Variants in TLK2 observed in about 807,000 individuals in gnomAD.
TLK2 encodes tousled like kinase 2.
In TLK2, 6 loss-of-function variants were observed where a neutral mutation model predicts 117.3. That is an observed-to-expected ratio of 0.05 (90% CI 0.03 to 0.10). The LOEUF is 0.10. Among genes scored for constraint, TLK2 ranks in the 10% least tolerant of loss-of-function variants. The pLI, the probability that TLK2 is intolerant of heterozygous loss-of-function variation, is 1.00. For missense variants in TLK2, 299 were observed against 901.2 expected (o/e 0.33, Z 8.56); for synonymous variants, 257 against 316.7 (o/e 0.81, Z 2.00).
At chr17:62,537,769 G>A (rs2077212745) in intron 7 of TLK2, among the ~76,000 whole-genome samples, 1 of 152,172 alleles carries the variant, frequency 6.6e-6, no homozygotes, top group Non-Finnish European at 1.5e-5. Context: ...TGTTAGAAGT[G>A]TTTTGATCTT....
At chr17:62,510,723 C>T (rs2075080128) in intron 2 of TLK2, among the ~76,000 whole-genome samples, 1 of 152,130 alleles carries the variant, frequency 6.6e-6, no homozygotes, top group Non-Finnish European at 1.5e-5. Context: ...GTCCTGATCT[C>T]CTCTCATAAG....
intron 19 of TLK2, among the ~76,000 whole-genome samples, chr17:62,602,530 A>AT (rs924681693): frequency 1.3e-5 from 2 of 152,160 alleles, no homozygotes; most frequent in African/African-American, 4.8e-5. Context: ...TTCCGTCCAA[A>AT]TACAGGTCTC....
intron 2 of TLK2, among the ~76,000 whole-genome samples, chr17:62,503,898 T>C (rs2145064550): frequency 6.6e-6 from 1 of 151,948 alleles, no homozygotes; most frequent in East Asian, 1.9e-4. Flanking sequence ...CAGCTAATTT[T>C]TTTTTTTGTA....
At chr17:62,522,101 G>T (rs2076085702) in intron 3 of TLK2, 103 bp from the exon 4 acceptor site, 1 of 1,240,306 alleles carries the variant, frequency 8.1e-7, no homozygotes. Context: ...GTCTGGGCCA[G>T]TTATATCTGT....
intron 15 of TLK2, among the ~76,000 whole-genome samples, chr17:62,581,128 T>C (rs952637969): frequency 6.6e-6 from 1 of 152,152 alleles, no homozygotes; most frequent in African/African-American, 2.4e-5. Context: ...GCCTCCTGCC[T>C]CAACCTCTTG....
chr17:62,532,095 T>G (rs1322101094), intron 6 of TLK2, among the ~76,000 whole-genome samples: 1 of 152,210 alleles, frequency 6.6e-6, no homozygotes, highest in Non-Finnish European at 1.5e-5. Flanking sequence ...TTTACCTGTC[T>G]TATGTTCCTA....
intron 2 of TLK2, chr17:62,516,358 C>A: frequency 1.3e-6 from 2 of 1,536,282 alleles, no homozygotes. Flanking sequence ...ACCAAATCCG[C>A]CTCTAAACTA....
intron 7 of TLK2, among the ~76,000 whole-genome samples, chr17:62,548,191 C>T (rs1335586652): frequency 6.8e-6 from 1 of 146,958 alleles, no homozygotes; most frequent in African/African-American, 2.5e-5. Context: ...CTGCCTACTT[C>T]CTCAGTTTAC....
intron 2 of TLK2, chr17:62,516,578 A>G: frequency 6.2e-7 from 1 of 1,609,928 alleles, no homozygotes; most frequent in Admixed American, 1.7e-5. Flanking sequence ...AAATGTCTCC[A>G]GGCAAAGTGT....
intron 6 of TLK2, among the ~76,000 whole-genome samples, chr17:62,534,671 AAAATCTTT>A (rs2076985326): frequency 6.6e-6 from 1 of 151,998 alleles, no homozygotes; most frequent in Non-Finnish European, 1.5e-5. Context: ...AATGACACTA[AAAATCTTT>A]AATTTCTAAT....
chr17:62,581,052 GC>G (rs1325782624), intron 15 of TLK2, among the ~76,000 whole-genome samples: 2 of 151,812 alleles, frequency 1.3e-5, no homozygotes, highest in African/African-American at 4.8e-5. Flanking sequence ...TTGCTCTATT[GC>G]CCAGGCTGGA....
chr17:62,483,919 G>A lies in TLK2; in HGVS notation c.81+2713G>A, dbSNP rs534895765. The stretch of plus-strand genomic sequence containing the variant: ...CGGCGCACTGCAATCTCTGCCTCCC[G>A]GGTTCAAGCTATTCTCCTGCCTCAG... On this transcript the variant is annotated intron_variant, in intron 2 of 21. Coordinates refer to ENST00000346027, the MANE Select transcript of TLK2 (RefSeq NM_006852.6). 1.2e-4 allele frequency among the ~76,000 whole-genome samples: 18 copies of A among 151,696 alleles called. No individual in the cohort carries two copies. In the South Asian group the frequency reaches 3.4e-3, roughly 28 times the overall value.
chr17:62,599,088 G>T (rs1053463894), intron 17 of TLK2, among the ~76,000 whole-genome samples: 1 of 152,088 alleles, frequency 6.6e-6, no homozygotes, highest in Non-Finnish European at 1.5e-5. Flanking sequence ...TGGGATTACA[G>T]GCATGCGCCA....
intron 2 of TLK2, among the ~76,000 whole-genome samples, chr17:62,507,841 T>A (rs2145172032): frequency 6.6e-6 from 1 of 152,174 alleles, no homozygotes; most frequent in East Asian, 1.9e-4. Flanking sequence ...TCTAGGCTTG[T>A]AACTAAAGTA....
intron 12 of TLK2, chr17:62,574,426 G>A (rs1217437045): frequency 7.3e-6 from 8 of 1,089,576 alleles, no homozygotes; most frequent in Non-Finnish European, 1.1e-5. Flanking sequence ...ATGAACAGAC[G>A]AATAAACTAA....
chr17:62,486,010 C>T (rs1313216292), intron 2 of TLK2, among the ~76,000 whole-genome samples: 5 of 151,434 alleles, frequency 3.3e-5, no homozygotes, highest in East Asian at 1.9e-4. Context: ...TTAGTAGAGA[C>T]GGGGTTTCAC....
chr17:62,545,552 G>A (rs1261158901), intron 7 of TLK2, among the ~76,000 whole-genome samples: 1 of 152,044 alleles, frequency 6.6e-6, no homozygotes, highest in Non-Finnish European at 1.5e-5. Flanking sequence ...AGGAGACGGA[G>A]GTTGCAGTGA....
intron 2 of TLK2, among the ~76,000 whole-genome samples, chr17:62,509,073 C>A (rs2074946977): frequency 6.6e-6 from 1 of 152,130 alleles, no homozygotes; most frequent in African/African-American, 2.4e-5. Flanking sequence ...TTTCTCCTAA[C>A]CTTTTATTTT....
chr17:62,548,345 G>A (rs572020144), intron 7 of TLK2, among the ~76,000 whole-genome samples: 9 of 150,266 alleles, frequency 6.0e-5, no homozygotes, highest in African/African-American at 2.2e-4. Flanking sequence ...GCAGTGGTAC[G>A]ATCTCGACTC....
Sources: gnomAD v4.1 joint callset for allele counts (sites outside exome capture counted in the v4.1 genomes callset) on GRCh38, gnomAD v4.1.1 for gene constraint, MANE v1.5 for transcripts, NCBI Gene and HGNC (gene_info 2026-07-23, HGNC 2026-07-21) for gene names.